Variants in MLF1 observed in about 807,000 individuals in gnomAD.
MLF1 encodes the protein myelodysplasia-myeloid leukemia factor 1.
A neutral mutation model predicts 38.3 loss-of-function variants in MLF1; 37 were observed. That is an observed-to-expected ratio of 0.96 (90% CI 0.74 to 1.27). The LOEUF is 1.27. Among genes scored for constraint, MLF1 ranks in the 50% most tolerant of loss-of-function variants. MLF1 has a pLI of 0.00. For missense variants in MLF1, 331 were observed against 349.2 expected (o/e 0.95, Z 0.42); for synonymous variants, 95 against 106.5 (o/e 0.89, Z 0.66).
intron 1 of MLF1, chr3:158,588,946 A>G (rs1056024721): frequency 2.2e-6 from 1 of 454,078 alleles, no homozygotes; most frequent in South Asian, 1.6e-5. Flanking sequence ...GTACTAAAAT[A>G]CTTGGGCCAG....
chr3:158,579,996 A>G (rs919241765), intron 1 of MLF1, among the ~76,000 whole-genome samples: 4 of 152,222 alleles, frequency 2.6e-5, no homozygotes, highest in African/African-American at 9.6e-5. Flanking sequence ...TTATTATGAA[A>G]TATTTCAAAC....
At position 158,592,416 on chromosome 3, in the gene MLF1, T is replaced by C. The variant is rs772941216; in HGVS notation, c.48-18T>C. 1 of 1,591,168 alleles carries C rather than the reference T, an allele frequency of 6.3e-7. No homozygotes were observed. The highest frequency in any genetic ancestry group is 8.5e-7 in the Non-Finnish European group (1 of 1,172,500). On this transcript the variant is annotated intron_variant, in intron 1 of 7. Transcript: ENST00000466246. Reference sequence around the variant, plus strand: ...ACTCCAACACTGAATCTTTCATGATTATGTATATTTTCAACAGTGAGTCCA... The same window carrying C: ...ACTCCAACACTGAATCTTTCATGATCATGTATATTTTCAACAGTGAGTCCA...
At chr3:158,584,413 G>A (rs1716884726) in intron 1 of MLF1, among the ~76,000 whole-genome samples, 1 of 152,038 alleles carries the variant, frequency 6.6e-6, no homozygotes, top group African/African-American at 2.4e-5. Flanking sequence ...AAACTCTGGA[G>A]GAATATATCA....
chr3:158,583,857 T>A (rs939277921), intron 1 of MLF1, among the ~76,000 whole-genome samples: 3 of 152,200 alleles, frequency 2.0e-5, no homozygotes, highest in African/African-American at 7.2e-5. Context: ...AAGAAGATTC[T>A]AGAAAATAGT....
At chr3:158,572,858 G>A (rs557722869) in intron 1 of MLF1, among the ~76,000 whole-genome samples, 7 of 151,578 alleles carry the variant, frequency 4.6e-5, no homozygotes, top group Non-Finnish European at 7.4e-5. Context: ...GCCCCAGGTA[G>A]GGGGAGGAGG....
chr3:158,577,360 G>C (rs560410477), intron 1 of MLF1, among the ~76,000 whole-genome samples: 2 of 152,172 alleles, frequency 1.3e-5, no homozygotes, highest in Non-Finnish European at 2.9e-5. Flanking sequence ...TTGTTTAGAC[G>C]TACAGTCTGA....
chr3:158,581,919 G>C (rs1043754249), intron 1 of MLF1, among the ~76,000 whole-genome samples: 1 of 152,070 alleles, frequency 6.6e-6, no homozygotes, highest in Admixed American at 6.6e-5. Context: ...GTGGCTCTCG[G>C]CTGTAATCCC....
At chr3:158,601,032 A>G (rs552204807) in intron 6 of MLF1, among the ~76,000 whole-genome samples, 15 of 152,006 alleles carry the variant, frequency 9.9e-5, no homozygotes, top group Admixed American at 5.2e-4. Context: ...TATTAATTCA[A>G]TAATGAAATT....
chr3:158,591,360 A>G (rs1252224116), intron 1 of MLF1, among the ~76,000 whole-genome samples: 3 of 152,044 alleles, frequency 2.0e-5, no homozygotes, highest in East Asian at 3.9e-4. Flanking sequence ...GGGTTTTACC[A>G]TGTTGGCCAG....
chr3:158,597,843 G>A (rs1158020825), intron 4 of MLF1, among the ~76,000 whole-genome samples: 1 of 152,024 alleles, frequency 6.6e-6, no homozygotes, highest in East Asian at 1.9e-4. Context: ...AACGAGAGTG[G>A]GATAATTGTA....
chr3:158,591,244 C>T, intron 1 of MLF1: 1 of 424,304 alleles, frequency 2.4e-6, no homozygotes, highest in East Asian at 7.1e-5. Flanking sequence ...ACTGCAACTT[C>T]TGCCTCCCGG....
chr3:158,598,111 C>A lies in MLF1; in HGVS notation c.356C>A (p.Ser119Ter), dbSNP rs1458342566. 1 of 1,613,426 alleles carries A rather than the reference C, an allele frequency of 6.2e-7. No individual in the cohort carries two copies. The highest frequency in any genetic ancestry group is 8.5e-7 in the Non-Finnish European group (1 of 1,179,714). Reference protein sequence around the residue: ...GQLSVDPNGHSFCSSSVMTYS... With the variant: ...GQLSVDPNGH ...CTTTCAGTGGATCCAAATGGACATT[C>A]ATTTTGTTCTTCCTCAGTTATGACT... is the stretch of plus-strand genomic sequence containing the variant. The change falls in exon 5 of 8, where the codon TCA becomes TAA. Residue 119 changes from serine (S) to a stop codon, truncating the protein, a stop_gained. Coordinates refer to ENST00000466246, the MANE Select transcript of MLF1 (RefSeq NM_001369783.1). LOFTEE classifies it high-confidence loss of function.
At chr3:158,601,073 G>C (rs9872702) in intron 6 of MLF1, among the ~76,000 whole-genome samples, 4,859 of 151,956 alleles carry the variant, frequency 0.032, 243 homozygotes, top group African/African-American at 0.11. Context: ...TCATCTCCTA[G>C]TTTCAGAAAG....
intron 1 of MLF1, among the ~76,000 whole-genome samples, chr3:158,583,315 A>G: frequency 6.6e-6 from 1 of 152,194 alleles, no homozygotes; most frequent in Non-Finnish European, 1.5e-5. Context: ...GTGAGGACAC[A>G]GGGATCTGCA....
intron 1 of MLF1, among the ~76,000 whole-genome samples, chr3:158,581,618 A>G: frequency 6.6e-6 from 1 of 152,158 alleles, no homozygotes; most frequent in East Asian, 1.9e-4. Context: ...AGGTCTATTT[A>G]CTGCAGTTCC....
rs141753552 is a variant in MLF1, at chr3:158,598,081, G to T, written c.326G>T (p.Gly109Val). 1 of 1,612,114 alleles carries T rather than the reference G, an allele frequency of 6.2e-7. No homozygotes were observed. Among genetic ancestry groups the T allele is most frequent in the East Asian group, 2.2e-5 (1 of 44,822 alleles). Residue 109 changes from glycine (G) to valine (V), a missense_variant and splice_region_variant, in exon 5 of 8, where the codon GGT (glycine) becomes GTT (valine). Transcript: ENST00000466246. ...AATTTACAATTTGTTTACCTGTAGG[G>T]TCAACTTTCAGTGGATCCAAATGGA... ...NYMQKLERNF[G>V]QLSVDPNGHS...
chr3:158,586,993 C>T (rs1717340937), intron 1 of MLF1, among the ~76,000 whole-genome samples: 1 of 152,134 alleles, frequency 6.6e-6, no homozygotes, highest in Admixed American at 6.5e-5. Context: ...GGAACCGTGC[C>T]TTTTACATAT....
intron 1 of MLF1, chr3:158,583,054 C>T: frequency 2.0e-6 from 1 of 510,778 alleles, no homozygotes; most frequent in Middle Eastern, 5.0e-4. Flanking sequence ...TATTCTTCTC[C>T]TTCCCTTTCC....
chr3:158,588,419 C>T lies in MLF1; in HGVS notation c.48-4015C>T, dbSNP rs563574149. ...TTGATTGAGACCATCCTGGCTAACA[C>T]GGTGAAACCCCGTCTCTACTAAGTA... On this transcript the variant is annotated intron_variant, in intron 1 of 7. Transcript: ENST00000466246. 5.3e-5 allele frequency among the ~76,000 whole-genome samples: 8 copies of T among 152,038 alleles called. No homozygotes were observed. The South Asian group carries it at 6.2e-4, about 12-fold the overall frequency.
Sources: gnomAD v4.1 joint callset for allele counts (sites outside exome capture counted in the v4.1 genomes callset) on GRCh38, gnomAD v4.1.1 for gene constraint, MANE v1.5 for transcripts, NCBI Gene and HGNC (gene_info 2026-07-23, HGNC 2026-07-21) for gene names.